The following TTC7A variants were observed in gnomAD, a reference collection of about 807,000 sequenced individuals.
TTC7A encodes the protein tetratricopeptide repeat protein 7A.
A neutral mutation model predicts 103.7 loss-of-function variants in TTC7A; 110 were observed. The observed-to-expected ratio is 1.06, with a 90% CI of 0.91 to 1.24. The LOEUF is 1.24. TTC7A is among the 50% of genes most tolerant of loss of function. The pLI is 0.00. For synonymous variants in TTC7A, 521 were observed against 467.9 expected, an observed-to-expected ratio of 1.11 and a Z score of -1.47; for missense variants, 1,340 against 1,116.3, an observed-to-expected ratio of 1.20 and a Z score of -2.86.
At chr2:47,049,341 G>A (rs969925489) in intron 16 of TTC7A, among the ~76,000 whole-genome samples, 1 of 151,984 alleles carries the variant, frequency 6.6e-6, no homozygotes, top group Admixed American at 6.5e-5. Flanking sequence ...TGTGAAAAGA[G>A]GAACCCCTCC....
chr2:47,070,838 T>A (rs1684621621), intron 19 of TTC7A, among the ~76,000 whole-genome samples: 1 of 152,180 alleles, frequency 6.6e-6, no homozygotes, highest in Non-Finnish European at 1.5e-5. Flanking sequence ...CTGATCACCA[T>A]AAACAACTTG....
intron 18 of TTC7A, among the ~76,000 whole-genome samples, chr2:47,052,540 A>G (rs981423863): frequency 2.0e-5 from 3 of 152,218 alleles, no homozygotes; most frequent in Non-Finnish European, 4.4e-5. Flanking sequence ...AAGAGGCAGC[A>G]TGGCCCCACG....
At chr2:46,958,512 G>T in intron 3 of TTC7A, 4 of 1,304,264 alleles carry the variant, frequency 3.1e-6, no homozygotes, top group Non-Finnish European at 4.0e-6. Flanking sequence ...CCGGCTTCTT[G>T]GGGGAACACA....
chr2:46,956,572 C>G (rs11899993), intron 2 of TTC7A: 173 of 458,832 alleles, frequency 3.8e-4, no homozygotes, highest in African/African-American at 2.6e-3. Context: ...TGCAAGGTCT[C>G]TGGAGTCTTG....
intron 5 of TTC7A, among the ~76,000 whole-genome samples, chr2:46,989,276 G>A (rs1440046356): frequency 6.6e-6 from 1 of 152,220 alleles, no homozygotes; most frequent in East Asian, 1.9e-4. Context: ...GCTGTTTCTG[G>A]GCCAGGGTTT....
At chr2:47,038,272 AAAG>A (rs1402833559) in intron 15 of TTC7A, among the ~76,000 whole-genome samples, 2 of 151,638 alleles carry the variant, frequency 1.3e-5, no homozygotes, top group Non-Finnish European at 2.9e-5. Flanking sequence ...AAAAAAAAAA[AAAG>A]AAAGAAAAAA....
intron 4 of TTC7A, among the ~76,000 whole-genome samples, chr2:46,977,086 T>C (rs1049839155): frequency 6.6e-6 from 1 of 152,224 alleles, no homozygotes; most frequent in African/African-American, 2.4e-5. Context: ...GCTGCTCAGC[T>C]GGAAGCCTAG....
rs921669681 is a variant in TTC7A, at chr2:46,941,487, C to T, written c.-55C>T. On this transcript the variant is annotated 5_prime_UTR_variant, in exon 1 of 20. Transcript: ENST00000319190. This position sits in a 1 kb window ranked among gnomAD's most constrained non-coding sequence, Gnocchi z 4.2. ...AGTGCGCCCCAGCCAGGACGCCGCC[C>T]CCGGCCGGGTCTCCACTTCTTGGCC... is the stretch of plus-strand genomic sequence containing the variant. 10 of 1,523,308 alleles carry T rather than the reference C, an allele frequency of 6.6e-6. No homozygotes were observed. Among genetic ancestry groups the T allele is most frequent in the Non-Finnish European group, 8.8e-6 (10 of 1,133,884 alleles). The allele number at this position is 1,523,308 out of a possible 1,614,324, so 94.4% of individuals were successfully genotyped here.
At chr2:47,064,602 G>C (rs929292320) in intron 19 of TTC7A, among the ~76,000 whole-genome samples, 1 of 152,198 alleles carries the variant, frequency 6.6e-6, no homozygotes, top group Non-Finnish European at 1.5e-5. Context: ...TCTCTGCTCT[G>C]CCACCTCCCT....
intron 11 of TTC7A, among the ~76,000 whole-genome samples, chr2:47,011,830 G>A (rs1678089615): frequency 6.6e-6 from 1 of 152,262 alleles, no homozygotes; most frequent in Non-Finnish European, 1.5e-5. Context: ...GCGATTCTGG[G>A]GGCAGAGCTG....
In TTC7A at chr2:47,043,366, G is replaced by A. The variant is rs138512993; in HGVS notation, c.1803-2949G>A. Among the ~76,000 whole-genome samples, 16 of 152,332 alleles carry A rather than the reference G, an allele frequency of 1.1e-4. 1 individual carries two copies. In the East Asian group the frequency reaches 2.5e-3, roughly 24 times the overall value. On this transcript the variant is annotated intron_variant, in intron 15 of 19. Coordinates refer to ENST00000319190, the MANE Select transcript of TTC7A (RefSeq NM_020458.4). ...ATGGGGATACAGAAAGCCAGAGGGC[G>A]ACATCTGGTTAGGAGCTGGCTGAAT...
At chr2:47,065,139 T>C (rs1463693405) in intron 19 of TTC7A, among the ~76,000 whole-genome samples, 1 of 152,000 alleles carries the variant, frequency 6.6e-6, no homozygotes, top group African/African-American at 2.4e-5. Context: ...TACAAAAAAT[T>C]AGCCGGGCGT....
At chr2:46,944,037 C>T (rs1670703504) in intron 1 of TTC7A, among the ~76,000 whole-genome samples, 1 of 152,094 alleles carries the variant, frequency 6.6e-6, no homozygotes, top group South Asian at 2.1e-4. Context: ...GGTTGCTCCT[C>T]ACCACCCAAC....
chr2:47,072,577 G>C (rs1464723009), intron 19 of TTC7A, among the ~76,000 whole-genome samples: 1 of 152,228 alleles, frequency 6.6e-6, no homozygotes, highest in African/African-American at 2.4e-5. Flanking sequence ...AGCTAAAAAT[G>C]TACATGGCCG....
chr2:47,000,358 G>A (rs1049477010), intron 8 of TTC7A, among the ~76,000 whole-genome samples: 1 of 152,168 alleles, frequency 6.6e-6, no homozygotes, highest in African/African-American at 2.4e-5. Context: ...TCTAACACAA[G>A]GCCCTGCTCT....
At chr2:46,958,440 C>T in intron 3 of TTC7A, 2 of 1,280,340 alleles carry the variant, frequency 1.6e-6, no homozygotes, top group Non-Finnish European at 2.1e-6. Context: ...GGACTTTCTC[C>T]TGAGCCTGGC....
rs187262972 is a variant in TTC7A at position 47,061,032 on chromosome 2, G to A, written c.2355+61G>A. On this transcript the variant is annotated intron_variant, in intron 19 of 19. Coordinates refer to ENST00000319190, the MANE Select transcript of TTC7A (RefSeq NM_020458.4). ...CCCACAGCCTCAGGGCCCTTATCCC[G>A]CTTTGTCCCTCCTTGTCCCCATACT... is the stretch of plus-strand genomic sequence containing the variant. 2.3e-5 allele frequency: 34 copies of A among 1,484,304 alleles called. No homozygotes were observed. The East Asian group carries it at 4.2e-4, about 18-fold the overall frequency. The allele number at this position is 1,484,304 out of a possible 1,614,324, so 91.9% of individuals were successfully genotyped here. A position where few individuals can be genotyped will look rare whatever the true frequency, so the allele number is the denominator to read the frequency against.
In TTC7A at chr2:47,060,841, C is replaced by G. The variant is rs143675924; in HGVS notation, c.2225C>G (p.Pro742Arg). Residue 742 changes from proline (P) to arginine (R), a missense_variant, in exon 19 of 20, where the codon CCC becomes CGC. Transcript: ENST00000319190. ...ATCCAGGAGGCGGCGGGCCTCTTCC[C>G]CACTTCTCACTCAGTACTCTATATG... ...FCIQEAAGLF[P>R]TSHSVLYMRG... The G allele has an allele frequency of 1.8e-4, 290 of 1,613,942 alleles. No homozygotes were observed. The highest frequency in any genetic ancestry group is 2.3e-4 in the Non-Finnish European group (274 of 1,179,908).
At chr2:46,977,793 G>C (rs1674021225) in intron 4 of TTC7A, among the ~76,000 whole-genome samples, 1 of 152,154 alleles carries the variant, frequency 6.6e-6, no homozygotes, top group South Asian at 2.1e-4. Flanking sequence ...GGCTGGTCTG[G>C]AACTCCTGGC....
Sources: allele counts gnomAD v4.1 joint callset (sites outside exome capture counted in the v4.1 genomes callset), GRCh38; gene constraint gnomAD v4.1.1; non-coding constraint Gnocchi (gnomAD v3.1); transcripts MANE v1.5; gene names NCBI Gene and HGNC (gene_info 2026-07-23, HGNC 2026-07-21).